The following CADPS variants were observed in gnomAD, a reference collection of about 807,000 sequenced individuals.
CADPS encodes the protein calcium-dependent secretion activator 1.
In CADPS, 57 loss-of-function variants were observed where a neutral mutation model predicts 167.3. That is an observed-to-expected ratio of 0.34 (90% CI 0.28 to 0.42). CADPS has a LOEUF of 0.42. Among genes scored for constraint, CADPS ranks in the 20% least tolerant of loss-of-function variants. The probability of loss-of-function intolerance (pLI) is 1.00; values close to 1 mark genes in which losing one functional copy is unlikely to be tolerated. For synonymous variants in CADPS, 676 were observed against 635.3 expected (o/e 1.06, Z -0.96); for missense variants, 1,414 against 1,738.1 (o/e 0.81, Z 3.32).
rs964776336 is a variant in CADPS, at chr3:62,874,443, G to A, written c.441+146C>T. ...TGGGCCTGGGCGAGCCCGGCCGCTGGGAGGGGGCCTCGTAGCCCTTTCCCC... is the reference window on the plus strand; with the variant it reads ...TGGGCCTGGGCGAGCCCGGCCGCTGAGAGGGGGCCTCGTAGCCCTTTCCCC... On this transcript the variant is annotated intron_variant, in intron 1 of 29. Coordinates refer to ENST00000383710, the MANE Select transcript of CADPS (RefSeq NM_003716.4). This position sits in a 1 kb window ranked among gnomAD's most constrained non-coding sequence, Gnocchi z 7.1. 3 of 633,098 alleles carry A rather than the reference G, an allele frequency of 4.7e-6. No homozygotes were observed. In the Admixed American group the frequency reaches 9.0e-5, roughly 19 times the overall value. The allele number at this position is 633,098 out of a possible 1,614,324, so 39.2% of individuals were successfully genotyped here.
At chr3:62,483,328 G>C (rs2062292910) in intron 21 of CADPS, among the ~76,000 whole-genome samples, 1 of 134,380 alleles carries the variant, frequency 7.4e-6, no homozygotes, top group Admixed American at 7.6e-5. Context: ...GGGAGTAGGG[G>C]AGTGGGGGAG....
In CADPS at chr3:62,601,925, T is replaced by G. The variant is rs954935590; in HGVS notation, c.1326-9177A>C. Reference sequence around the variant, plus strand: ...AGAAAAATCTATGGGTAAAACAACCTTGTTCTCTGTGTTTGGGGAGCATCT... The same window carrying G: ...AGAAAAATCTATGGGTAAAACAACCGTGTTCTCTGTGTTTGGGGAGCATCT... On this transcript the variant is annotated intron_variant, in intron 6 of 29. Coordinates refer to ENST00000383710, the MANE Select transcript of CADPS (RefSeq NM_003716.4). The surrounding 1 kb of genome is among the most constrained non-coding windows in gnomAD (Gnocchi z 4.3). Among the ~76,000 whole-genome samples the G allele has an allele frequency of 6.6e-6, 1 of 152,148 alleles. No homozygotes were observed. The highest frequency in any genetic ancestry group is 1.5e-5 in the Non-Finnish European group (1 of 68,024).
At chr3:62,409,874 G>A (rs2149217549) in intron 28 of CADPS, among the ~76,000 whole-genome samples, 1 of 152,286 alleles carries the variant, frequency 6.6e-6, no homozygotes, top group Non-Finnish European at 1.5e-5. Context: ...TGAAATTAAA[G>A]ATGTCATCAG....
At chr3:62,426,216 T>C (rs946010477) in intron 28 of CADPS, among the ~76,000 whole-genome samples, 3 of 152,334 alleles carry the variant, frequency 2.0e-5, no homozygotes, top group African/African-American at 7.2e-5. Flanking sequence ...AGTGGCACGA[T>C]CTCGGCTTAC....
chr3:62,823,474 G>A (rs190205680), intron 1 of CADPS, among the ~76,000 whole-genome samples: 6 of 152,164 alleles, frequency 3.9e-5, no homozygotes, highest in South Asian at 2.1e-4. Context: ...AATGCAGTAC[G>A]ATTTTTAAAT....
At chr3:62,729,697 C>G (rs1290149324) in intron 3 of CADPS, among the ~76,000 whole-genome samples, 1 of 151,902 alleles carries the variant, frequency 6.6e-6, no homozygotes, top group Non-Finnish European at 1.5e-5. Flanking sequence ...ATTGTAGTCA[C>G]TATCACCTCA....
intron 9 of CADPS, among the ~76,000 whole-genome samples, chr3:62,570,131 C>G (rs889422774): frequency 3.3e-5 from 5 of 150,994 alleles, no homozygotes; most frequent in African/African-American, 1.2e-4. Flanking sequence ...GAAAAGTTTA[C>G]AGATATGAGA....
intron 3 of CADPS, among the ~76,000 whole-genome samples, chr3:62,743,157 G>A (rs141805972): frequency 6.6e-6 from 1 of 152,072 alleles, no homozygotes; most frequent in Non-Finnish European, 1.5e-5. Context: ...AAAAAGGAAT[G>A]CTTTTGGGTG....
intron 1 of CADPS, among the ~76,000 whole-genome samples, chr3:62,854,759 T>C (rs543655819): frequency 3.3e-4 from 50 of 152,208 alleles, no homozygotes; most frequent in Non-Finnish European, 5.7e-4. Context: ...CTGTTTGTAC[T>C]TGATAAATTC....
intron 3 of CADPS, among the ~76,000 whole-genome samples, chr3:62,733,370 GC>G (rs1245627560): frequency 6.6e-6 from 1 of 152,144 alleles, no homozygotes; most frequent in Non-Finnish European, 1.5e-5. Flanking sequence ...TGAGAGATGA[GC>G]CTAATGTTTT....
At chr3:62,757,804 A>G (rs750992817) in intron 2 of CADPS, among the ~76,000 whole-genome samples, 6 of 152,174 alleles carry the variant, frequency 3.9e-5, no homozygotes, top group Non-Finnish European at 8.8e-5. Flanking sequence ...GAGGCCTCAC[A>G]ATCATGGTGG....
intron 28 of CADPS, among the ~76,000 whole-genome samples, chr3:62,425,465 G>A (rs558123483): frequency 1.1e-3 from 167 of 152,256 alleles, no homozygotes; most frequent in Admixed American, 1.9e-3. Context: ...TTTAAAAACA[G>A]ATGTCTAATC....
chr3:62,680,995 G>A (rs776611200), intron 3 of CADPS, among the ~76,000 whole-genome samples: 3 of 151,900 alleles, frequency 2.0e-5, no homozygotes, highest in Non-Finnish European at 2.9e-5. Context: ...CTCCACTCCC[G>A]CCATGTTCCC....
At chr3:62,491,771 AT>A (rs142922119) in intron 20 of CADPS, among the ~76,000 whole-genome samples, 5 of 151,364 alleles carry the variant, frequency 3.3e-5, no homozygotes, top group Middle Eastern at 3.4e-3. Flanking sequence ...AATCCACACT[AT>A]TTTTTTTTCT....
chr3:62,715,664 G>A (rs2084380343), intron 3 of CADPS, among the ~76,000 whole-genome samples: 1 of 149,794 alleles, frequency 6.7e-6, no homozygotes, highest in African/African-American at 2.4e-5. Flanking sequence ...ATCAGACTAT[G>A]CTAATTCACG....
At chr3:62,738,474 A>G (rs2152271285) in intron 3 of CADPS, among the ~76,000 whole-genome samples, 1 of 152,268 alleles carries the variant, frequency 6.6e-6, no homozygotes, top group Non-Finnish European at 1.5e-5. Context: ...CTGTAATCCC[A>G]GCACTTTGGG....
chr3:62,534,547 C>G (rs992415464), intron 12 of CADPS, among the ~76,000 whole-genome samples: 10 of 152,210 alleles, frequency 6.6e-5, no homozygotes, highest in Non-Finnish European at 1.0e-4. Flanking sequence ...TTAGAAACAA[C>G]ACTGCTGTGA....
At chr3:62,818,998 C>G (rs1442549471) in intron 1 of CADPS, among the ~76,000 whole-genome samples, 1 of 151,574 alleles carries the variant, frequency 6.6e-6, no homozygotes. Flanking sequence ...GAGATAAGAA[C>G]AGTTACTGGC....
chr3:62,556,905 C>G (rs1247708443), intron 10 of CADPS, among the ~76,000 whole-genome samples: 1 of 151,448 alleles, frequency 6.6e-6, no homozygotes, highest in African/African-American at 2.4e-5. Flanking sequence ...CTTATGATCT[C>G]TTGAATTGTA....
Sources: allele counts gnomAD v4.1 joint callset (sites outside exome capture counted in the v4.1 genomes callset), GRCh38; gene constraint gnomAD v4.1.1; non-coding constraint Gnocchi (gnomAD v3.1); transcripts MANE v1.5; gene names NCBI Gene and HGNC (gene_info 2026-07-23, HGNC 2026-07-21).